Variants in ARHGAP6 observed in about 807,000 individuals in gnomAD.
ARHGAP6 encodes rho GTPase-activating protein 6.
ARHGAP6 carries 16 observed loss-of-function variants against 55.7 expected under a neutral mutation model. That is an observed-to-expected ratio of 0.29 (90% CI 0.19 to 0.44). The LOEUF (loss-of-function observed/expected upper bound fraction) is 0.44, where lower values mean the gene tolerates loss of function less well. Ranked by LOEUF, ARHGAP6 falls within the 20% of genes least tolerant of loss-of-function variation. ARHGAP6 has a pLI of 1.00. For synonymous variants in ARHGAP6, 382 were observed against 360.9 expected (o/e 1.06, Z -0.66); for missense variants, 698 against 808.9 (o/e 0.86, Z 1.66).
chrX:11,272,977 C>A (rs2047709891), intron 1 of ARHGAP6, among the ~76,000 whole-genome samples: 1 of 111,739 alleles, frequency 8.9e-6, no homozygotes, highest in African/African-American at 3.3e-5. Context: ...TTTTAAGCCT[C>A]AATTACCTGC....
At chrX:11,553,727 C>T (rs5933899) in intron 1 of ARHGAP6, among the ~76,000 whole-genome samples, 2,198 of 111,513 alleles carry the variant, frequency 0.02, 31 homozygotes, top group Middle Eastern at 0.064. Context: ...AAGAAAGGAG[C>T]CAAATGGATG....
chrX:11,262,267 C>T (rs1207890072), intron 1 of ARHGAP6, among the ~76,000 whole-genome samples: 3 of 111,075 alleles, frequency 2.7e-5, no homozygotes, highest in African/African-American at 9.8e-5. Flanking sequence ...AACAACTCAC[C>T]AAAAGTGTTA....
chrX:11,150,717 C>T (rs186208244), intron 10 of ARHGAP6, among the ~76,000 whole-genome samples: 10 of 111,371 alleles, frequency 9.0e-5, no homozygotes, highest in Admixed American at 3.8e-4. Flanking sequence ...TGAGCCCAGG[C>T]GGTTGAGGCT....
chrX:11,265,628 CTT>C, intron 1 of ARHGAP6: 4 of 792,066 alleles, frequency 5.1e-6, no homozygotes, highest in Non-Finnish European at 6.1e-6. Flanking sequence ...AATCACAAAA[CTT>C]TATCACAATT....
At chrX:11,341,556 T>C (rs1427406254) in intron 1 of ARHGAP6, among the ~76,000 whole-genome samples, 1 of 112,101 alleles carries the variant, frequency 8.9e-6, no homozygotes, top group African/African-American at 3.3e-5. Flanking sequence ...TGGCTGTGGG[T>C]TGATTTCATA....
rs760109785 is a variant in ARHGAP6, at chrX:11,142,333, A to G, written c.2177-20T>C. 13 of 1,092,657 alleles carry G rather than the reference A, an allele frequency of 1.2e-5. No individual in the cohort carries two copies. The highest frequency in any genetic ancestry group is 1.5e-5 in the Non-Finnish European group (12 of 799,270). The allele number at this position is 1,092,657 out of a possible 1,213,427, so 90.0% of individuals were successfully genotyped here. On this transcript the variant is annotated intron_variant, in intron 11 of 12. Transcript: ENST00000337414. The stretch of plus-strand genomic sequence containing the variant: ...ACAGATCTAGGGAAAAAGTGTATAA[A>G]AAGGTATATAACACAAAAGGAAAAT...
chrX:11,570,870 G>C (rs113385231), intron 1 of ARHGAP6, among the ~76,000 whole-genome samples: 2,174 of 111,456 alleles, frequency 0.02, 29 homozygotes, highest in Middle Eastern at 0.06. Flanking sequence ...TGGGAGGTAG[G>C]GGCCTTTTGG....
At chrX:11,250,779 C>T (rs1157222211) in intron 2 of ARHGAP6, among the ~76,000 whole-genome samples, 1 of 111,150 alleles carries the variant, frequency 9.0e-6, no homozygotes. Flanking sequence ...CTCCCTATCT[C>T]AAGGACCTTA....
chrX:11,440,138 A>G (rs1331384748), intron 1 of ARHGAP6, among the ~76,000 whole-genome samples: 1 of 112,225 alleles, frequency 8.9e-6, no homozygotes, highest in Non-Finnish European at 1.9e-5. Flanking sequence ...CCATGTCTAT[A>G]TTTGGCCCTT....
intron 2 of ARHGAP6, among the ~76,000 whole-genome samples, chrX:11,206,759 G>A (rs966158629): frequency 1.8e-5 from 2 of 111,192 alleles, no homozygotes; most frequent in African/African-American, 6.5e-5. Flanking sequence ...ATAATTTTAG[G>A]CACACAGCAG....
intron 1 of ARHGAP6, among the ~76,000 whole-genome samples, chrX:11,287,474 A>G (rs1282303646): frequency 9.0e-6 from 1 of 111,701 alleles, no homozygotes; most frequent in Non-Finnish European, 1.9e-5. Context: ...CATTCTTGAC[A>G]CAAGTCTGAG....
Position 11,156,953 on chromosome X carries a change from T to C in ARHGAP6, c.1810-327A>G, listed in dbSNP as rs2045873004. On this transcript the variant is annotated intron_variant, in intron 9 of 12. Coordinates refer to ENST00000337414, the MANE Select transcript of ARHGAP6 (RefSeq NM_013427.3). ...AAAATATCATGGTTCAGAGAAATAGTGTCCATAATTTATTGCCCAATGGGG... is the reference window on the plus strand; with the variant it reads ...AAAATATCATGGTTCAGAGAAATAGCGTCCATAATTTATTGCCCAATGGGG... 3.5e-5 allele frequency among the ~76,000 whole-genome samples: 4 copies of C among 112,697 alleles called. No homozygotes were observed. The Admixed American group carries it at 3.7e-4, about 11-fold the overall frequency.
intron 1 of ARHGAP6, among the ~76,000 whole-genome samples, chrX:11,491,529 C>G (rs1269564130): frequency 1.8e-5 from 2 of 111,961 alleles, no homozygotes; most frequent in African/African-American, 6.5e-5. Flanking sequence ...CATGTCCCTA[C>G]AAAGGACATG....
At chrX:11,575,238 A>G (rs1428936931) in intron 1 of ARHGAP6, among the ~76,000 whole-genome samples, 1 of 112,003 alleles carries the variant, frequency 8.9e-6, no homozygotes, top group Non-Finnish European at 1.9e-5. Flanking sequence ...TGAGGATGCC[A>G]CAAGACAGAA....
chrX:11,518,672 T>C (rs1455170922), intron 1 of ARHGAP6, among the ~76,000 whole-genome samples: 1 of 104,071 alleles, frequency 9.6e-6, no homozygotes, highest in African/African-American at 3.5e-5. Context: ...TTAGGGTACA[T>C]GTGCACATTG....
intron 2 of ARHGAP6, among the ~76,000 whole-genome samples, chrX:11,217,653 T>G (rs1470547027): frequency 8.9e-6 from 1 of 111,977 alleles, no homozygotes; most frequent in South Asian, 3.7e-4. Context: ...TTTCTCCCAT[T>G]CTGTAGGTTA....
chrX:11,514,745 C>T (rs768574536), intron 1 of ARHGAP6, among the ~76,000 whole-genome samples: 44 of 110,559 alleles, frequency 4.0e-4, no homozygotes, highest in Non-Finnish European at 6.8e-4. Context: ...CTTGATTTGA[C>T]CCACTTTTAC....
chrX:11,280,507 C>T (rs1162051394), intron 1 of ARHGAP6, among the ~76,000 whole-genome samples: 1 of 111,059 alleles, frequency 9.0e-6, no homozygotes, highest in South Asian at 3.8e-4. Context: ...ACAATAGCAG[C>T]GTCTGTGTCA....
intron 1 of ARHGAP6, among the ~76,000 whole-genome samples, chrX:11,284,294 C>G (rs2047895201): frequency 1.8e-5 from 2 of 112,207 alleles, no homozygotes; most frequent in South Asian, 7.5e-4. Context: ...GCATTTCTAA[C>G]AAGTTCCCAG....
Sources: gnomAD v4.1 joint callset for allele counts (sites outside exome capture counted in the v4.1 genomes callset) on GRCh38, gnomAD v4.1.1 for gene constraint, MANE v1.5 for transcripts, NCBI Gene and HGNC (gene_info 2026-07-23, HGNC 2026-07-21) for gene names.